The following TNNI3K variants were observed in gnomAD, a reference collection of about 807,000 sequenced individuals.
The protein encoded by TNNI3K is TNNI3 interacting kinase, also known as serine/threonine-protein kinase TNNI3K.
Under a neutral mutation model 114.5 loss-of-function variants are expected in TNNI3K, and 140 were observed. That is an observed-to-expected ratio of 1.22 (90% CI 1.07 to 1.41). The LOEUF is 1.41. Ranked by LOEUF, TNNI3K falls within the 40% of genes most tolerant of loss-of-function variation. The pLI, the probability that TNNI3K is intolerant of heterozygous loss-of-function variation, is 0.00. For missense variants in TNNI3K, 1,125 were observed against 1,007.6 expected, an observed-to-expected ratio of 1.12 and a Z score of -1.58; for synonymous variants, 347 against 347.5, an observed-to-expected ratio of 1.00 and a Z score of 0.02.
chr1:74,469,411 A>G (rs1302430982), intron 21 of TNNI3K: 2 of 152,776 alleles, frequency 1.3e-5, no homozygotes, highest in Non-Finnish European at 2.9e-5. Flanking sequence ...TTTTCATACT[A>G]TAATTAGGAA....
chr1:74,465,908 A>C (rs1223632732), intron 21 of TNNI3K, among the ~76,000 whole-genome samples: 1 of 152,188 alleles, frequency 6.6e-6, no homozygotes, highest in South Asian at 2.1e-4. Context: ...AGGGAATAAA[A>C]GCAGGGTGCC....
chr1:74,323,863 G>A (rs1312863384), intron 5 of TNNI3K, among the ~76,000 whole-genome samples: 4 of 152,150 alleles, frequency 2.6e-5, no homozygotes, highest in African/African-American at 9.7e-5. Flanking sequence ...AAATGTCAGT[G>A]AGGAAAAGCA....
intron 17 of TNNI3K, among the ~76,000 whole-genome samples, chr1:74,422,770 A>C (rs540662401): frequency 1.2e-4 from 18 of 152,254 alleles, no homozygotes; most frequent in South Asian, 6.2e-4. Context: ...ACAAAAAAAA[A>C]CCCACTAAAT....
At chr1:74,493,200 G>A (rs1669163992) in intron 23 of TNNI3K, among the ~76,000 whole-genome samples, 2 of 152,174 alleles carry the variant, frequency 1.3e-5, no homozygotes, top group South Asian at 4.1e-4. Context: ...GCTTCTAGGG[G>A]ATAGGGAGGA....
At chr1:74,460,973 T>C (rs1041058439) in intron 20 of TNNI3K, among the ~76,000 whole-genome samples, 1 of 152,076 alleles carries the variant, frequency 6.6e-6, no homozygotes, top group Non-Finnish European at 1.5e-5. Context: ...TGCATCAGAG[T>C]TTAACTCATT....
At chr1:74,403,354 T>C (rs552720068) in intron 17 of TNNI3K, among the ~76,000 whole-genome samples, 63 of 152,298 alleles carry the variant, frequency 4.1e-4, no homozygotes, top group African/African-American at 1.3e-3. Context: ...TGATTTTAAC[T>C]TATAAACATC....
At chr1:74,411,041 G>C (rs1299555144) in intron 17 of TNNI3K, among the ~76,000 whole-genome samples, 1 of 152,108 alleles carries the variant, frequency 6.6e-6, no homozygotes, top group Admixed American at 6.5e-5. Context: ...CTAAGTTTCA[G>C]GGCTCAAAAA....
At chr1:74,434,099 G>A (rs1325606) in intron 17 of TNNI3K, among the ~76,000 whole-genome samples, 92,309 of 151,720 alleles carry the variant, frequency 0.61, 32,735 homozygotes, top group East Asian at 0.81. Flanking sequence ...AAATTATTTG[G>A]AAATAACCAG....
intron 24 of TNNI3K, among the ~76,000 whole-genome samples, chr1:74,543,144 G>A (rs927329530): frequency 2.5e-5 from 3 of 121,242 alleles, no homozygotes; most frequent in South Asian, 2.9e-4. Flanking sequence ...GTGCGATCTC[G>A]GCTCACTGCA....
intron 4 of TNNI3K, among the ~76,000 whole-genome samples, chr1:74,268,012 G>A (rs1656107653): frequency 6.6e-6 from 1 of 151,840 alleles, no homozygotes; most frequent in Admixed American, 6.6e-5. Flanking sequence ...TCATAAAATA[G>A]ACATTCATTA....
intron 17 of TNNI3K, chr1:74,378,629 T>TATATATATATATATAAA (rs1557531489): frequency 3.9e-4 from 53 of 135,774 alleles, no homozygotes; most frequent in African/African-American, 1.4e-3. Flanking sequence ...TATATATATA[T>TATATATATATATATAAA]ATATATATAT....
At chr1:74,443,224 G>T (rs971139515) in intron 20 of TNNI3K, among the ~76,000 whole-genome samples, 1 of 151,924 alleles carries the variant, frequency 6.6e-6, no homozygotes, top group Non-Finnish European at 1.5e-5. Context: ...AATCCAGGAG[G>T]TGGTTTTTTG....
At chr1:74,252,873 A>G (rs1328726360) in intron 4 of TNNI3K, among the ~76,000 whole-genome samples, 3 of 152,192 alleles carry the variant, frequency 2.0e-5, no homozygotes, top group East Asian at 1.9e-4. Context: ...CAAAGCTTCC[A>G]AAGTGTGGAG....
At chr1:74,365,306 G>A (rs938257871) in intron 11 of TNNI3K, among the ~76,000 whole-genome samples, 3 of 151,922 alleles carry the variant, frequency 2.0e-5, no homozygotes, top group Admixed American at 6.6e-5. Flanking sequence ...TACCCTACAC[G>A]AAAATCTCAT....
At chr1:74,521,674 T>C (rs45523735) in intron 23 of TNNI3K, among the ~76,000 whole-genome samples, 4,798 of 152,244 alleles carry the variant, frequency 0.032, 260 homozygotes, top group African/African-American at 0.11. Flanking sequence ...AAGACAGCCC[T>C]AGTCGCTATT....
rs1260427034 is a variant in TNNI3K at position 74,287,539 on chromosome 1, C to T, written c.444+15831C>T. Among the ~76,000 whole-genome samples, 2 of 152,060 alleles carry T rather than the reference C, an allele frequency of 1.3e-5. 1 individual carries two copies. The highest frequency in any genetic ancestry group is 2.9e-5 in the Non-Finnish European group (2 of 67,982). On this transcript the variant is annotated intron_variant, in intron 5 of 24. Transcript: ENST00000326637. ...AGGTGGCAGGAACACACAATAGGAA[C>T]AGGACATTCTCTTCAATAAATGATA...
chr1:74,421,326 G>T (rs79474353), intron 17 of TNNI3K, among the ~76,000 whole-genome samples: 1 of 152,182 alleles, frequency 6.6e-6, no homozygotes, highest in South Asian at 2.1e-4. Context: ...CCAAGTGGGC[G>T]TTCAGAAGTA....
intron 22 of TNNI3K, among the ~76,000 whole-genome samples, chr1:74,489,871 T>A (rs1668966940): frequency 6.6e-6 from 1 of 152,044 alleles, no homozygotes; most frequent in African/African-American, 2.4e-5. Context: ...TGAAAAATAA[T>A]ATATTCTCAA....
rs527712126 is a variant in TNNI3K at position 74,265,322 on chromosome 1, A to G, written c.334-6276A>G. ...GAGCTGCTAAAATCTCCGCCAGCCC[A>G]TTGAGGAGCTCCAGAGGAAAAATTG... On this transcript the variant is annotated intron_variant, in intron 4 of 24. Coordinates refer to ENST00000326637, the MANE Select transcript of TNNI3K (RefSeq NM_015978.3). Among the ~76,000 whole-genome samples, 4 of 152,128 alleles carry G rather than the reference A, an allele frequency of 2.6e-5. No individual in the cohort carries two copies. The South Asian group carries it at 8.3e-4, about 32-fold the overall frequency.
Sources: gnomAD v4.1 joint callset for allele counts (sites outside exome capture counted in the v4.1 genomes callset) on GRCh38, gnomAD v4.1.1 for gene constraint, MANE v1.5 for transcripts, NCBI Gene and HGNC (gene_info 2026-07-23, HGNC 2026-07-21) for gene names.